RIN3: variants seen among roughly 807,000 people sequenced by gnomAD.
RIN3 encodes the protein Ras and Rab interactor 3.
Under a neutral mutation model 76.3 loss-of-function variants are expected in RIN3, and 54 were observed. The observed-to-expected ratio is 0.71, with a 90% CI of 0.57 to 0.89. The LOEUF (loss-of-function observed/expected upper bound fraction) is 0.89, where lower values mean the gene tolerates loss of function less well. RIN3 is among the 40% of genes least tolerant of loss of function. RIN3 has a pLI of 0.00. For synonymous variants in RIN3, 576 were observed against 564.0 expected, an observed-to-expected ratio of 1.02 and a Z score of -0.30; for missense variants, 1,256 against 1,322.1, an observed-to-expected ratio of 0.95 and a Z score of 0.78.
chr14:92,540,528 G>A (rs551179379), intron 1 of RIN3, among the ~76,000 whole-genome samples: 56 of 152,328 alleles, frequency 3.7e-4, no homozygotes, highest in Middle Eastern at 3.4e-3. Flanking sequence ...TTGTGCATGT[G>A]TGAGAGATCC....
intron 2 of RIN3, among the ~76,000 whole-genome samples, chr14:92,561,040 A>ATATAT (rs1306892381): frequency 3.9e-4 from 6 of 15,440 alleles, no homozygotes; most frequent in African/African-American, 8.5e-4. Context: ...AAAAAAAAAA[A>ATATAT]AAAAATATAT....
intron 1 of RIN3, among the ~76,000 whole-genome samples, chr14:92,527,663 T>G (rs916668926): frequency 1.3e-5 from 2 of 148,704 alleles, no homozygotes; most frequent in East Asian, 3.9e-4. Context: ...GGCCCTTTTG[T>G]AGTCAGGACC....
chr14:92,606,649 T>C (rs1222820525), intron 3 of RIN3, among the ~76,000 whole-genome samples: 2 of 152,072 alleles, frequency 1.3e-5, no homozygotes, highest in East Asian at 1.9e-4. Context: ...AATAAACACA[T>C]GAAAAGACTC....
At chr14:92,525,541 C>T (rs541084518) in intron 1 of RIN3, among the ~76,000 whole-genome samples, 1 of 152,166 alleles carries the variant, frequency 6.6e-6, no homozygotes, top group East Asian at 1.9e-4. Flanking sequence ...GTGCCCAGGA[C>T]AGAGGGCCTC....
At chr14:92,671,307 A>G (rs1345006376) in intron 7 of RIN3, among the ~76,000 whole-genome samples, 2 of 149,246 alleles carry the variant, frequency 1.3e-5, no homozygotes, top group Non-Finnish European at 3.0e-5. Context: ...ACGGGAAGGT[A>G]GGGAGGGGGT....
Position 92,652,774 on chromosome 14 carries a change from G to A in RIN3, c.1725G>A (p.Leu575=). The change falls in exon 6 of 10, where the codon CTG becomes CTA. Residue 575 remains leucine, a synonymous_variant. Transcript: ENST00000216487. The surrounding 1 kb of genome is among the most constrained non-coding windows in gnomAD (Gnocchi z 6.4). ...TGAAGAAGAAGCCCTCCATGATCCT[G>A]GGCAAGGCTCGGCACCGGCTGAGCT... ...PSVKKKPSMI[L]GKARHRLSFA... The A allele has an allele frequency of 1.9e-6, 3 of 1,614,022 alleles. No homozygotes were observed. The highest frequency in any genetic ancestry group is 2.5e-6 in the Non-Finnish European group (3 of 1,180,042).
chr14:92,645,926 T>G (rs1400696884), intron 5 of RIN3, among the ~76,000 whole-genome samples: 1 of 148,866 alleles, frequency 6.7e-6, no homozygotes, highest in Non-Finnish European at 1.5e-5. Context: ...CACTCCAGCC[T>G]GGGTGACAGA....
At chr14:92,659,132 C>T in intron 6 of RIN3, 29 bp from the exon 7 acceptor site, 1 of 1,610,346 alleles carries the variant, frequency 6.2e-7, no homozygotes. Flanking sequence ...ATCTGGTTTC[C>T]TCACCCTCGC....
chr14:92,665,908 T>C (rs756893566), intron 7 of RIN3, among the ~76,000 whole-genome samples: 1 of 152,160 alleles, frequency 6.6e-6, no homozygotes, highest in African/African-American at 2.4e-5. Context: ...CCCTGGCAGG[T>C]GATCCGGGCA....
Position 92,520,210 on chromosome 14 carries a change from G to A in RIN3, c.44+6234G>A, listed in dbSNP as rs1010135941. Among the ~76,000 whole-genome samples, 3 of 152,254 alleles carry A rather than the reference G, an allele frequency of 2.0e-5. No homozygotes were observed. In the East Asian group the frequency reaches 5.8e-4, roughly 29 times the overall value. The stretch of plus-strand genomic sequence containing the variant: ...AGAAATGGCCTAGGCCGTGGTTGTG[G>A]TCAAGGCCTGTTGTCTGTAAGTGAC... On this transcript the variant is annotated intron_variant, in intron 1 of 9. Transcript: ENST00000216487.
chr14:92,578,484 A>C (rs1003604673), intron 3 of RIN3, among the ~76,000 whole-genome samples: 11 of 152,212 alleles, frequency 7.2e-5, no homozygotes, highest in Non-Finnish European at 1.5e-4. Flanking sequence ...CTCTGCCCAG[A>C]TAGACCCAAT....
rs759941330 is a variant in RIN3 at position 92,577,343 on chromosome 14, C to A, written c.250-17C>A. 1 of 1,579,062 alleles carries A rather than the reference C, an allele frequency of 6.3e-7. No homozygotes were observed. Among genetic ancestry groups the A allele is most frequent in the South Asian group, 1.1e-5 (1 of 90,150 alleles). On this transcript the variant is annotated splice_polypyrimidine_tract_variant and intron_variant, in intron 2 of 9. Transcript: ENST00000216487. ...AATCTTTAATTCACGGAGCTGCATC[C>A]CCTTCTTTGGTTTCAGATGTTCCTG... is the stretch of plus-strand genomic sequence containing the variant.
At chr14:92,570,398 C>T (rs1352919380) in intron 2 of RIN3, among the ~76,000 whole-genome samples, 3 of 152,180 alleles carry the variant, frequency 2.0e-5, no homozygotes, top group Non-Finnish European at 4.4e-5. Context: ...CGCGGTGGCT[C>T]ACGCCTGTAA....
intron 3 of RIN3, among the ~76,000 whole-genome samples, chr14:92,580,141 C>T (rs1178636859): frequency 6.6e-6 from 1 of 152,230 alleles, no homozygotes; most frequent in Non-Finnish European, 1.5e-5. Flanking sequence ...CTTCGGGAGG[C>T]CGAGGCAGGC....
intron 7 of RIN3, among the ~76,000 whole-genome samples, chr14:92,664,686 C>T (rs1209176452): frequency 6.6e-6 from 1 of 152,020 alleles, no homozygotes; most frequent in Non-Finnish European, 1.5e-5. Flanking sequence ...CATTTTCTTT[C>T]TCTCTCTGCA....
intron 9 of RIN3, chr14:92,687,171 AG>A (rs1392449100): frequency 2.0e-5 from 3 of 152,238 alleles, no homozygotes; most frequent in Non-Finnish European, 4.4e-5. Flanking sequence ...CATTTATGGG[AG>A]GCGGGCGCTA....
intron 3 of RIN3, among the ~76,000 whole-genome samples, chr14:92,599,274 G>T (rs1190541268): frequency 5.9e-5 from 9 of 152,180 alleles, no homozygotes; most frequent in Admixed American, 5.2e-4. Flanking sequence ...TTCAGGGGAG[G>T]TTGCCGAGGA....
chr14:92,588,563 A>G (rs912006163), intron 3 of RIN3, among the ~76,000 whole-genome samples: 37 of 152,144 alleles, frequency 2.4e-4, no homozygotes, highest in East Asian at 1.9e-4. Flanking sequence ...AATCCCATTC[A>G]TGAGGGTGGA....
intron 1 of RIN3, among the ~76,000 whole-genome samples, chr14:92,553,075 G>C (rs999903416): frequency 2.7e-5 from 4 of 150,866 alleles, no homozygotes; most frequent in Non-Finnish European, 4.4e-5. Flanking sequence ...TCACACCTAG[G>C]GCCACCCAGC....
Sources: gnomAD v4.1 joint callset for allele counts (sites outside exome capture counted in the v4.1 genomes callset) on GRCh38, gnomAD v4.1.1 for gene constraint, Gnocchi (gnomAD v3.1) non-coding constraint, MANE v1.5 for transcripts, NCBI Gene and HGNC (gene_info 2026-07-23, HGNC 2026-07-21) for gene names.